Variants in NDST4 observed in about 807,000 individuals in gnomAD.
NDST4 encodes N-deacetylase and N-sulfotransferase 4, also known as N-heparan sulfate sulfotransferase 4.
Under a neutral mutation model 100.8 loss-of-function variants are expected in NDST4, and 63 were observed. The ratio of observed to expected loss-of-function variants is 0.62; its 90% CI spans 0.51 to 0.77. The LOEUF (loss-of-function observed/expected upper bound fraction) is 0.77. NDST4 is among the 30% of genes least tolerant of loss of function. NDST4 has a pLI of 0.00. For missense variants in NDST4, 943 were observed against 1,018.4 expected (o/e 0.93, Z 1.01); for synonymous variants, 377 against 361.8 (o/e 1.04, Z -0.48).
intron 2 of NDST4, among the ~76,000 whole-genome samples, chr4:115,004,458 A>C (rs1727368181): frequency 6.6e-6 from 1 of 152,164 alleles, no homozygotes; most frequent in South Asian, 2.1e-4. Context: ...TCATGGTAAT[A>C]CTTTATTTCC....
intron 2 of NDST4, among the ~76,000 whole-genome samples, chr4:115,070,573 G>A (rs1729053736): frequency 6.6e-6 from 1 of 152,068 alleles, no homozygotes; most frequent in Non-Finnish European, 1.5e-5. Context: ...TATATCTTGA[G>A]TTTTTAGGTA....
At chr4:114,890,659 CCTCT>C (rs939783225) in intron 6 of NDST4, among the ~76,000 whole-genome samples, 4 of 151,860 alleles carry the variant, frequency 2.6e-5, no homozygotes, top group African/African-American at 9.6e-5. Flanking sequence ...CTAACTTTAT[CCTCT>C]CTCTCTCTTT....
intron 2 of NDST4, among the ~76,000 whole-genome samples, chr4:115,050,384 A>G (rs72681455): frequency 0.014 from 2,181 of 151,462 alleles, 32 homozygotes; most frequent in Non-Finnish European, 0.023. Context: ...CTTGCCAAGT[A>G]CTGCTTTGAA....
At chr4:114,876,967 AG>A (rs1560790792) in intron 6 of NDST4, among the ~76,000 whole-genome samples, 1 of 152,190 alleles carries the variant, frequency 6.6e-6, no homozygotes, top group Non-Finnish European at 1.5e-5. Flanking sequence ...GAGTTTATAT[AG>A]GGAATTCTAG....
intron 8 of NDST4, among the ~76,000 whole-genome samples, chr4:114,849,578 T>C (rs1723628100): frequency 1.3e-5 from 2 of 151,276 alleles, no homozygotes; most frequent in Admixed American, 1.3e-4. Flanking sequence ...CACCAAGAGG[T>C]AATGAGTAGC....
At chr4:114,836,908 C>T (rs1294532677) in intron 11 of NDST4, among the ~76,000 whole-genome samples, 1 of 152,014 alleles carries the variant, frequency 6.6e-6, no homozygotes, top group African/African-American at 2.4e-5. Context: ...TTGATCGATT[C>T]GGCTATTGAT....
At chr4:115,031,068 G>T (rs750342655) in intron 2 of NDST4, among the ~76,000 whole-genome samples, 14 of 151,994 alleles carry the variant, frequency 9.2e-5, no homozygotes, top group Non-Finnish European at 1.8e-4. Flanking sequence ...CATTGTCATT[G>T]TTAGAACAGT....
At chr4:115,110,661 C>T (rs578198389) in intron 1 of NDST4, among the ~76,000 whole-genome samples, 4 of 151,928 alleles carry the variant, frequency 2.6e-5, no homozygotes, top group African/African-American at 9.6e-5. Flanking sequence ...TGCATCTCAT[C>T]GTTATTTCTT....
At chr4:114,946,751 C>G (rs1335364974) in intron 4 of NDST4, among the ~76,000 whole-genome samples, 1 of 152,142 alleles carries the variant, frequency 6.6e-6, no homozygotes. Flanking sequence ...ATTTACCATG[C>G]TTTTCCAGAG....
chr4:115,075,858 TCCC>T (rs1450974748), intron 2 of NDST4, among the ~76,000 whole-genome samples, 198 bp downstream of exon 2: 1 of 151,270 alleles, frequency 6.6e-6, no homozygotes. Context: ...TTTAGCTCTG[TCCC>T]ATTCTGAAGC....
At chr4:114,958,765 C>A (rs956307552) in intron 4 of NDST4, among the ~76,000 whole-genome samples, 5 of 152,190 alleles carry the variant, frequency 3.3e-5, no homozygotes, top group Non-Finnish European at 7.3e-5. Context: ...ATGCAAATTT[C>A]TGCACCCAGC....
intron 2 of NDST4, among the ~76,000 whole-genome samples, chr4:115,064,055 G>T (rs1728880612): frequency 6.6e-6 from 1 of 151,806 alleles, no homozygotes; most frequent in Admixed American, 6.6e-5. Flanking sequence ...AGCTTGTTTT[G>T]AGTATTAATA....
intron 6 of NDST4, among the ~76,000 whole-genome samples, chr4:114,891,984 A>G (rs965571058): frequency 2.0e-5 from 3 of 152,144 alleles, no homozygotes; most frequent in African/African-American, 7.2e-5. Flanking sequence ...GAATAATTGT[A>G]GCACTTCACT....
At chr4:114,924,364 T>G (rs949791102) in intron 6 of NDST4, among the ~76,000 whole-genome samples, 1 of 151,298 alleles carries the variant, frequency 6.6e-6, no homozygotes, top group Non-Finnish European at 1.5e-5. Context: ...CTGCTGTGAG[T>G]GTGAATCCCT....
intron 1 of NDST4, among the ~76,000 whole-genome samples, chr4:115,093,096 A>G (rs1023292976): frequency 6.6e-6 from 1 of 152,186 alleles, no homozygotes; most frequent in African/African-American, 2.4e-5. Flanking sequence ...TACAAAGCAA[A>G]AATAGTCAGA....
intron 2 of NDST4, among the ~76,000 whole-genome samples, chr4:115,054,078 C>T (rs1035788659): frequency 2.7e-4 from 41 of 151,608 alleles, no homozygotes; most frequent in Non-Finnish European, 4.7e-4. Context: ...GAAGAAATAA[C>T]GCAGATTATT....
intron 2 of NDST4, among the ~76,000 whole-genome samples, chr4:115,029,621 A>G (rs1728072215): frequency 2.0e-5 from 3 of 152,096 alleles, no homozygotes; most frequent in Non-Finnish European, 2.9e-5. Context: ...CCGTTAGAAG[A>G]CAATGGAATA....
intron 2 of NDST4, among the ~76,000 whole-genome samples, chr4:115,069,572 T>C (rs59986734): frequency 0.011 from 1,646 of 152,210 alleles, 31 homozygotes; most frequent in African/African-American, 0.038. Context: ...CACTGATCAT[T>C]AGAGAAATGC....
At chr4:114,950,546 T>C (rs910594229) in intron 4 of NDST4, among the ~76,000 whole-genome samples, 3 of 152,080 alleles carry the variant, frequency 2.0e-5, no homozygotes, top group Non-Finnish European at 4.4e-5. Context: ...TCTGTAAAAA[T>C]GTAAAACTTA....
Sources: allele counts gnomAD v4.1 joint callset (sites outside exome capture counted in the v4.1 genomes callset), GRCh38; gene constraint gnomAD v4.1.1; transcripts MANE v1.5; gene names NCBI Gene and HGNC (gene_info 2026-07-23, HGNC 2026-07-21).